UNC5D: variants seen among roughly 807,000 people sequenced by gnomAD.
UNC5D encodes unc-5 netrin receptor D, also known as netrin receptor UNC5D.
In UNC5D, 39 loss-of-function variants were observed where a neutral mutation model predicts 105.4. The observed-to-expected ratio is 0.37, with a 90% CI of 0.29 to 0.48. The LOEUF (loss-of-function observed/expected upper bound fraction) is 0.48. UNC5D is among the 20% of genes least tolerant of loss of function. The probability of loss-of-function intolerance (pLI) is 0.98; values close to 1 mark genes in which losing one functional copy is unlikely to be tolerated. For missense variants in UNC5D, 991 were observed against 1,202.4 expected, an observed-to-expected ratio of 0.82 and a Z score of 2.60; for synonymous variants, 452 against 450.4, an observed-to-expected ratio of 1.00 and a Z score of -0.04.
At chr8:35,686,745 C>A (rs1586434021) in intron 7 of UNC5D, 36 bp downstream of exon 7, 1 of 1,520,072 alleles carries the variant, frequency 6.6e-7, no homozygotes, top group South Asian at 1.3e-5. Context: ...AGTGTTTGTT[C>A]ATAATACCAT....
intron 3 of UNC5D, among the ~76,000 whole-genome samples, chr8:35,592,692 C>T (rs1409467942): frequency 6.6e-6 from 1 of 152,164 alleles, no homozygotes; most frequent in African/African-American, 2.4e-5. Context: ...AGAACTAGGA[C>T]TCCATGATAC....
chr8:35,669,167 T>G (rs1272512663), intron 4 of UNC5D, among the ~76,000 whole-genome samples: 1 of 152,208 alleles, frequency 6.6e-6, no homozygotes, highest in Non-Finnish European at 1.5e-5. Context: ...CTTATCTGTG[T>G]TGAAGATATT....
chr8:35,724,040 G>A (rs144022179), intron 9 of UNC5D: 28 of 993,742 alleles, frequency 2.8e-5, no homozygotes, highest in African/African-American at 5.0e-5. Context: ...AGTTCTAGAC[G>A]CTGGTTGCTT....
intron 1 of UNC5D, among the ~76,000 whole-genome samples, chr8:35,413,202 A>C (rs1805288476): frequency 6.7e-6 from 1 of 149,986 alleles, no homozygotes; most frequent in Non-Finnish European, 1.5e-5. Flanking sequence ...ATGCTCCTGC[A>C]TCTTAGATTT....
chr8:35,612,584 C>T (rs2130987123), intron 4 of UNC5D, among the ~76,000 whole-genome samples: 1 of 152,058 alleles, frequency 6.6e-6, no homozygotes, highest in Non-Finnish European at 1.5e-5. Context: ...TAATCTGGTT[C>T]CCCAAACATA....
At chr8:35,494,404 T>C (rs1412241113) in intron 1 of UNC5D, among the ~76,000 whole-genome samples, 1 of 152,168 alleles carries the variant, frequency 6.6e-6, no homozygotes, top group Admixed American at 6.5e-5. Flanking sequence ...ATAATAGAGG[T>C]ACGATATAAT....
chr8:35,315,851 T>C (rs1809261089), intron 1 of UNC5D, among the ~76,000 whole-genome samples: 1 of 152,118 alleles, frequency 6.6e-6, no homozygotes, highest in Non-Finnish European at 1.5e-5. Flanking sequence ...TTCTTACCCA[T>C]TGTGCTCTGT....
intron 1 of UNC5D, among the ~76,000 whole-genome samples, chr8:35,477,782 G>A (rs543253596): frequency 2.0e-4 from 31 of 151,870 alleles, no homozygotes; most frequent in South Asian, 4.1e-4. Context: ...GATACATAGC[G>A]CAACTTATAA....
intron 12 of UNC5D, among the ~76,000 whole-genome samples, chr8:35,749,959 G>A (rs1229950369): frequency 7.3e-6 from 1 of 137,178 alleles, no homozygotes; most frequent in Non-Finnish European, 1.5e-5. Flanking sequence ...ATTACCTTAA[G>A]GATATTTAAA....
At chr8:35,351,594 T>C (rs1459222535) in intron 1 of UNC5D, among the ~76,000 whole-genome samples, 2 of 152,010 alleles carry the variant, frequency 1.3e-5, no homozygotes, top group Non-Finnish European at 2.9e-5. Flanking sequence ...CTTCTGTGCA[T>C]AAAGACTGAG....
At chr8:35,711,999 A>C (rs1211845830) in intron 8 of UNC5D, among the ~76,000 whole-genome samples, 2 of 152,186 alleles carry the variant, frequency 1.3e-5, no homozygotes, top group African/African-American at 4.8e-5. Context: ...AAAGAAAAAG[A>C]AAATTGGCCA....
intron 1 of UNC5D, among the ~76,000 whole-genome samples, chr8:35,442,376 G>T (rs1680250568): frequency 6.6e-6 from 1 of 151,728 alleles, no homozygotes; most frequent in African/African-American, 2.4e-5. Flanking sequence ...TAAGGGTTCT[G>T]CTCCCAGCAT....
intron 1 of UNC5D, among the ~76,000 whole-genome samples, chr8:35,498,699 C>T (rs949225071): frequency 2.0e-5 from 3 of 152,032 alleles, no homozygotes; most frequent in Admixed American, 6.5e-5. Context: ...GGCTGAATTT[C>T]GTCATCAGGC....
Position 35,291,857 on chromosome 8 carries a change from A to G in UNC5D, c.103+55970A>G, listed in dbSNP as rs114733538. The stretch of plus-strand genomic sequence containing the variant: ...AAGTCTAACCAGGTGATTATTTTTG[A>G]TATAAAACCAATTTATTCTTCATAT... On this transcript the variant is annotated intron_variant, in intron 1 of 16. Transcript: ENST00000404895. 5.9e-3 allele frequency among the ~76,000 whole-genome samples: 898 copies of G among 152,266 alleles called. 11 individuals carry two copies. The highest frequency in any genetic ancestry group is 0.02 in the African/African-American group (830 of 41,558).
At chr8:35,279,678 C>T (rs1036249633) in intron 1 of UNC5D, among the ~76,000 whole-genome samples, 6 of 152,180 alleles carry the variant, frequency 3.9e-5, no homozygotes, top group Non-Finnish European at 7.3e-5. Flanking sequence ...AACCTGATTA[C>T]CTCCACATAT....
chr8:35,454,090 G>A (rs759234747), intron 1 of UNC5D, among the ~76,000 whole-genome samples: 5 of 152,118 alleles, frequency 3.3e-5, no homozygotes, highest in African/African-American at 1.2e-4. Context: ...GTGATCTAAC[G>A]TGTAATCTAC....
intron 4 of UNC5D, among the ~76,000 whole-genome samples, chr8:35,624,903 T>A (rs1027698624): frequency 8.5e-5 from 13 of 152,198 alleles, no homozygotes; most frequent in African/African-American, 3.1e-4. Flanking sequence ...ACTTGTTAAT[T>A]CTTTAAAATA....
chr8:35,705,703 A>T (rs1170808091), intron 7 of UNC5D, among the ~76,000 whole-genome samples: 3 of 152,188 alleles, frequency 2.0e-5, no homozygotes, highest in Non-Finnish European at 4.4e-5. Context: ...AAGAAAATAA[A>T]TTTTTAAATG....
intron 1 of UNC5D, among the ~76,000 whole-genome samples, chr8:35,317,796 C>A (rs5000056): frequency 0.34 from 51,344 of 150,438 alleles, 10,385 homozygotes; most frequent in Middle Eastern, 0.45. Context: ...ATATTCCAGG[C>A]TAATATTGCC....
Sources: gnomAD v4.1 joint callset for allele counts (sites outside exome capture counted in the v4.1 genomes callset) on GRCh38, gnomAD v4.1.1 for gene constraint, MANE v1.5 for transcripts, NCBI Gene and HGNC (gene_info 2026-07-23, HGNC 2026-07-21) for gene names.